MARCHF1: variants seen among roughly 807,000 people sequenced by gnomAD.
The protein encoded by MARCHF1 is E3 ubiquitin-protein ligase MARCHF1.
Under a neutral mutation model 54.2 loss-of-function variants are expected in MARCHF1, and 40 were observed. The ratio of observed to expected loss-of-function variants is 0.74; its 90% CI spans 0.57 to 0.96. The LOEUF (loss-of-function observed/expected upper bound fraction) is 0.96. Ranked by LOEUF, MARCHF1 falls within the 40% of genes least tolerant of loss-of-function variation. The pLI, the probability that MARCHF1 is intolerant of heterozygous loss-of-function variation, is 0.00. For synonymous variants in MARCHF1, 236 were observed against 236.3 expected (o/e 1.00, Z 0.01); for missense variants, 586 against 656.5 (o/e 0.89, Z 1.17).
intron 5 of MARCHF1, among the ~76,000 whole-genome samples, chr4:163,628,721 T>A (rs1412970107): frequency 2.0e-5 from 3 of 152,150 alleles, no homozygotes; most frequent in Non-Finnish European, 4.4e-5. Flanking sequence ...AAAATCAATG[T>A]GCAAAAATCA....
chr4:163,907,660 C>T (rs1579383429), intron 3 of MARCHF1, among the ~76,000 whole-genome samples: 2 of 152,042 alleles, frequency 1.3e-5, no homozygotes, highest in East Asian at 3.8e-4. Context: ...TTTAGATGAG[C>T]CAACTAGCTG....
chr4:163,779,783 A>G (rs531570474), intron 4 of MARCHF1, among the ~76,000 whole-genome samples: 2 of 152,260 alleles, frequency 1.3e-5, no homozygotes, highest in East Asian at 1.9e-4. Flanking sequence ...TCTAAAATCT[A>G]CCCTAATGTT....
chr4:164,306,628 G>C (rs116714888), intron 1 of MARCHF1, among the ~76,000 whole-genome samples: 1 of 152,034 alleles, frequency 6.6e-6, no homozygotes, highest in Non-Finnish European at 1.5e-5. Flanking sequence ...AACAAAATGC[G>C]AGATATTCCT....
Position 163,533,435 on chromosome 4 carries a change from G to A in MARCHF1, c.1340-4389C>T, listed in dbSNP as rs60851292. Among the ~76,000 whole-genome samples, 1,411 of 151,952 alleles carry A rather than the reference G, an allele frequency of 9.3e-3. 26 individuals carry two copies. The highest frequency in any genetic ancestry group is 0.069 in the East Asian group (358 of 5,174). On this transcript the variant is annotated intron_variant, in intron 9 of 9. Transcript: ENST00000514618. ...GATTCTGTAACGGTGGACACAGGAC[G>A]TTACACGTTTGTCAAAACTCATAGA... is the stretch of plus-strand genomic sequence containing the variant.
chr4:163,733,222 CACGTGTATATAT>C (rs1745921456), intron 4 of MARCHF1, among the ~76,000 whole-genome samples: 1 of 13,060 alleles, frequency 7.7e-5, no homozygotes, highest in African/African-American at 1.6e-4. Flanking sequence ...TATATATATA[CACGTGTATATAT>C]ATATATACAC....
chr4:163,628,021 G>T (rs925646018), intron 5 of MARCHF1, among the ~76,000 whole-genome samples: 2 of 151,894 alleles, frequency 1.3e-5, no homozygotes, highest in African/African-American at 4.8e-5. Flanking sequence ...TCTTGGAGTA[G>T]AAAAGATTTT....
intron 4 of MARCHF1, among the ~76,000 whole-genome samples, chr4:163,793,106 C>G (rs1012554783): frequency 6.6e-6 from 1 of 152,108 alleles, no homozygotes; most frequent in Non-Finnish European, 1.5e-5. Context: ...TATACACACC[C>G]AAGTTATTTT....
Position 163,556,549 on chromosome 4 carries a change from T to C in MARCHF1, c.1192-10806A>G, listed in dbSNP as rs570731137. On this transcript the variant is annotated intron_variant, in intron 8 of 9. Transcript: ENST00000514618. ...GAACATTGTATTTAATGTAATTGAG[T>C]TGATTTTTTTTTTTACTCTCGAGAG... is the stretch of plus-strand genomic sequence containing the variant. 2.4e-5 allele frequency among the ~76,000 whole-genome samples: 3 copies of C among 126,494 alleles called. No individual in the cohort carries two copies. In the South Asian group the frequency reaches 7.1e-4, roughly 30 times the overall value. 83.0% of individuals were successfully genotyped at this position (126,494 alleles called of 152,430 possible).
chr4:163,659,653 A>G (rs555322863), intron 5 of MARCHF1, among the ~76,000 whole-genome samples: 12 of 152,218 alleles, frequency 7.9e-5, no homozygotes, highest in African/African-American at 2.9e-4. Context: ...CAATCTACCC[A>G]TCTGACAAAG....
At chr4:164,090,511 G>A (rs1444460027) in intron 2 of MARCHF1, among the ~76,000 whole-genome samples, 1 of 152,070 alleles carries the variant, frequency 6.6e-6, no homozygotes, top group African/African-American at 2.4e-5. Context: ...ATTGGTGTTT[G>A]TAGATTTTTG....
At chr4:164,305,389 G>T (rs1019597569) in intron 1 of MARCHF1, among the ~76,000 whole-genome samples, 1 of 152,128 alleles carries the variant, frequency 6.6e-6, no homozygotes, top group Non-Finnish European at 1.5e-5. Context: ...TAGGAGTGGG[G>T]TAAAAGATTA....
At chr4:164,138,744 C>G (rs961822363) in intron 1 of MARCHF1, among the ~76,000 whole-genome samples, 1 of 152,046 alleles carries the variant, frequency 6.6e-6, no homozygotes, top group African/African-American at 2.4e-5. Context: ...GGAGGCTTGT[C>G]CAGAGTGATA....
At chr4:164,011,033 T>C (rs1248730103) in intron 2 of MARCHF1, among the ~76,000 whole-genome samples, 1 of 152,102 alleles carries the variant, frequency 6.6e-6, no homozygotes, top group Non-Finnish European at 1.5e-5. Flanking sequence ...CTTCAATAAA[T>C]GATGCTAATA....
intron 3 of MARCHF1, among the ~76,000 whole-genome samples, chr4:163,891,767 C>T (rs1458648805): frequency 6.6e-6 from 1 of 151,710 alleles, no homozygotes; most frequent in East Asian, 1.9e-4. Flanking sequence ...GAAAGCACAA[C>T]AAAAAAAACA....
At chr4:163,583,649 T>G in intron 8 of MARCHF1, 1 of 73,170 alleles carries the variant, frequency 1.4e-5, no homozygotes, top group Admixed American at 1.8e-4. Context: ...TTGTTTTTTG[T>G]GTGTTTTTTT....
chr4:163,960,681 G>C (rs1024491403), intron 3 of MARCHF1, among the ~76,000 whole-genome samples: 2 of 151,766 alleles, frequency 1.3e-5, no homozygotes, highest in African/African-American at 4.8e-5. Context: ...GGAGGGAGAG[G>C]AGTGGGAAAA....
intron 4 of MARCHF1, among the ~76,000 whole-genome samples, chr4:163,774,641 T>C (rs982142830): frequency 2.6e-5 from 4 of 151,892 alleles, no homozygotes; most frequent in African/African-American, 9.7e-5. Context: ...ATTATAGGCA[T>C]GTGCCAACAA....
At chr4:164,357,260 G>A (rs1730585831) in intron 1 of MARCHF1, among the ~76,000 whole-genome samples, 1 of 152,040 alleles carries the variant, frequency 6.6e-6, no homozygotes, top group Admixed American at 6.6e-5. Context: ...GACTGTGAGG[G>A]GAGAATCTGT....
At chr4:163,819,866 C>G (rs1016706210) in intron 4 of MARCHF1, among the ~76,000 whole-genome samples, 1 of 152,110 alleles carries the variant, frequency 6.6e-6, no homozygotes, top group African/African-American at 2.4e-5. Flanking sequence ...TCATCTCATC[C>G]TGCATCCTGG....
Sources: allele counts gnomAD v4.1 joint callset (sites outside exome capture counted in the v4.1 genomes callset), GRCh38; gene constraint gnomAD v4.1.1; transcripts MANE v1.5; gene names NCBI Gene and HGNC (gene_info 2026-07-23, HGNC 2026-07-21).